The following AIMP1 variants were observed in gnomAD, a reference collection of about 807,000 sequenced individuals.
The protein encoded by AIMP1 is aminoacyl tRNA synthetase complex interacting multifunctional protein 1.
A neutral mutation model predicts 33.1 loss-of-function variants in AIMP1; 24 were observed. That is an observed-to-expected ratio of 0.73 (90% confidence interval 0.53 to 1.02). The LOEUF (loss-of-function observed/expected upper bound fraction) is 1.02. Ranked by LOEUF, AIMP1 falls within the 50% of genes least tolerant of loss-of-function variation. The pLI is 0.00. For missense variants in AIMP1, 367 were observed against 364.8 expected (o/e 1.01, Z -0.05); for synonymous variants, 120 against 121.5 (o/e 0.99, Z 0.08).
intron 5 of AIMP1, among the ~76,000 whole-genome samples, chr4:106,332,115 G>T (rs1769703771): frequency 6.6e-6 from 1 of 151,868 alleles, no homozygotes; most frequent in South Asian, 2.1e-4. Context: ...AAGAAAAGAT[G>T]TATTATTTTA....
intron 6 of AIMP1, among the ~76,000 whole-genome samples, chr4:106,339,918 T>C (rs1770030510): frequency 6.6e-6 from 1 of 152,216 alleles, no homozygotes; most frequent in African/African-American, 2.4e-5. Flanking sequence ...TTTCATTTTG[T>C]ATTGCCTGTT....
chr4:106,338,449 A>C (rs1040879882), intron 6 of AIMP1, among the ~76,000 whole-genome samples: 3 of 152,232 alleles, frequency 2.0e-5, no homozygotes, highest in African/African-American at 7.2e-5. Flanking sequence ...CCATGGCTAA[A>C]AAGGGCTAAG....
rs113844295 is a variant in AIMP1, at chr4:106,328,162, A to G, written c.310A>G (p.Thr104Ala). The G allele has an allele frequency of 1.9e-3, 3,032 of 1,613,570 alleles. 57 individuals carry two copies. In the African/African-American group the frequency reaches 0.036, roughly 19 times the overall value. Residue 104 changes from threonine (T) to alanine (A), a missense_variant, in exon 4 of 7, where the codon ACC becomes GCC. Coordinates refer to ENST00000672341, the MANE Select transcript of AIMP1 (RefSeq NM_001142416.2). ...TGTGATACAGTCTACAGCAGTAACA[A>G]CCGTATCTTCTGGTACCAAAGAACA... ...ENVIQSTAVT[T>A]VSSGTKEQIK... is the part of the protein sequence containing the mutation.
chr4:106,347,998 G>C lies in AIMP1; in HGVS notation c.*306G>C. ...CACATAGATAACTAACTAGATTAAT[G>C]TTTAGTTTCTTATTTGTAGGCACAG... On this transcript the variant is annotated 3_prime_UTR_variant, in exon 7 of 7. Coordinates refer to ENST00000672341, the MANE Select transcript of AIMP1 (RefSeq NM_001142416.2). 4.9e-6 allele frequency: 1 copy of C among 205,100 alleles called. No individual in the cohort carries two copies. The highest frequency in any genetic ancestry group is 9.9e-6 in the Non-Finnish European group (1 of 101,078). 12.7% of individuals were successfully genotyped at this position (205,100 alleles called of 1,614,324 possible). A position where few individuals can be genotyped will look rare whatever the true frequency, so the allele number is the denominator to read the frequency against.
chr4:106,343,902 GC>G (rs1376751176), intron 6 of AIMP1, among the ~76,000 whole-genome samples: 64 of 152,250 alleles, frequency 4.2e-4, no homozygotes, highest in African/African-American at 1.5e-3. Context: ...TAATTATGAA[GC>G]ATAGGTTTAA....
chr4:106,320,790 A>T (rs1271325554), intron 1 of AIMP1, among the ~76,000 whole-genome samples: 1 of 152,112 alleles, frequency 6.6e-6, no homozygotes, highest in African/African-American at 2.4e-5. Context: ...TCTCCCTCTG[A>T]TGCCGAGCCG....
At chr4:106,345,185 G>T (rs890735793) in intron 6 of AIMP1, among the ~76,000 whole-genome samples, 1 of 152,018 alleles carries the variant, frequency 6.6e-6, no homozygotes, top group Non-Finnish European at 1.5e-5. Flanking sequence ...TTATACTTAG[G>T]GCTTATGTCT....
At chr4:106,336,180 A>G (rs1005510422) in intron 5 of AIMP1, among the ~76,000 whole-genome samples, 2 of 150,628 alleles carry the variant, frequency 1.3e-5, no homozygotes, top group African/African-American at 4.9e-5. Context: ...CTATAGCCAC[A>G]TGCCACCATG....
At chr4:106,346,324 G>A (rs1419482639) in intron 6 of AIMP1, among the ~76,000 whole-genome samples, 2 of 151,940 alleles carry the variant, frequency 1.3e-5, no homozygotes, top group African/African-American at 4.8e-5. Context: ...AGGGGTTGTG[G>A]GTATTAACCA....
intron 6 of AIMP1, among the ~76,000 whole-genome samples, chr4:106,337,742 T>C (rs561508531): frequency 2.4e-4 from 36 of 152,186 alleles, no homozygotes; most frequent in Admixed American, 1.8e-3. Flanking sequence ...CAGAAAAAGA[T>C]AGGAAAATGT....
rs556016648 is a variant in AIMP1 at position 106,329,898 on chromosome 4, T to C, written c.391+1655T>C. The stretch of plus-strand genomic sequence containing the variant: ...CCTCCCGGGTTCAAGCAATTCTATC[T>C]TAGCCTCCCAAGTAGCTGGGACTAC... On this transcript the variant is annotated intron_variant, in intron 4 of 6. Transcript: ENST00000672341. 6.0e-5 allele frequency among the ~76,000 whole-genome samples: 9 copies of C among 150,066 alleles called. No individual in the cohort carries two copies. In the East Asian group the frequency reaches 1.8e-3, roughly 31 times the overall value.
intron 6 of AIMP1, among the ~76,000 whole-genome samples, chr4:106,347,011 G>A (rs76036526): frequency 2.3e-4 from 35 of 152,190 alleles, no homozygotes; most frequent in South Asian, 1.0e-3. Flanking sequence ...AGCATCTTAC[G>A]TGGCAGGAGC....
chr4:106,346,010 TC>T (rs1770282917), intron 6 of AIMP1, among the ~76,000 whole-genome samples: 1 of 151,576 alleles, frequency 6.6e-6, no homozygotes, highest in Non-Finnish European at 1.5e-5. Flanking sequence ...TATATTTCTA[TC>T]ATTACTTAAT....
chr4:106,341,899 C>T (rs1440831957), intron 6 of AIMP1, among the ~76,000 whole-genome samples: 1 of 152,162 alleles, frequency 6.6e-6, no homozygotes, highest in Non-Finnish European at 1.5e-5. Context: ...GCAATTTTAA[C>T]AATACTGATT....
intron 1 of AIMP1, among the ~76,000 whole-genome samples, chr4:106,319,145 A>G (rs1387231942): frequency 1.3e-5 from 2 of 152,220 alleles, no homozygotes; most frequent in Non-Finnish European, 2.9e-5. Context: ...CCTATATAGC[A>G]TAAGAATTCT....
intron 6 of AIMP1, among the ~76,000 whole-genome samples, chr4:106,343,991 C>T (rs1307832585): frequency 1.3e-5 from 2 of 152,142 alleles, no homozygotes; most frequent in East Asian, 3.9e-4. Context: ...AATCAGGTTT[C>T]TTTCCCCACT....
chr4:106,316,724 G>A (rs1292471675), intron 1 of AIMP1, 130 bp downstream of exon 1: 4 of 832,838 alleles, frequency 4.8e-6, no homozygotes, highest in African/African-American at 3.4e-5. Flanking sequence ...GTTCGCAGCA[G>A]GACCAGCCCT....
chr4:106,337,564 C>A (rs1331892879), intron 6 of AIMP1, among the ~76,000 whole-genome samples: 1 of 152,152 alleles, frequency 6.6e-6, no homozygotes, highest in African/African-American at 2.4e-5. Flanking sequence ...AAACCTCTTT[C>A]TTTTATAAAT....
At chr4:106,323,098 C>T (rs571823619) in intron 1 of AIMP1, among the ~76,000 whole-genome samples, 2 of 151,992 alleles carry the variant, frequency 1.3e-5, no homozygotes, top group East Asian at 3.9e-4. Flanking sequence ...TGAAACATGA[C>T]ATTCTCTTTC....
Sources: allele counts gnomAD v4.1 joint callset (sites outside exome capture counted in the v4.1 genomes callset), GRCh38; gene constraint gnomAD v4.1.1; transcripts MANE v1.5; gene names NCBI Gene and HGNC (gene_info 2026-07-23, HGNC 2026-07-21).